LTBP4: variants seen among roughly 807,000 people sequenced by gnomAD.
LTBP4 encodes the protein latent transforming growth factor beta binding protein 4, also known as latent-transforming growth factor beta-binding protein 4.
Under a neutral mutation model 180.2 loss-of-function variants are expected in LTBP4, and 93 were observed. That is an observed-to-expected ratio of 0.52 (90% confidence interval 0.44 to 0.61). The LOEUF (loss-of-function observed/expected upper bound fraction) is 0.61. LTBP4 is among the 20% of genes least tolerant of loss of function. The pLI is 0.00. For missense variants in LTBP4, 2,116 were observed against 2,256.5 expected (o/e 0.94, Z 1.26); for synonymous variants, 947 against 934.5 (o/e 1.01, Z -0.24).
At position 40,629,569 on chromosome 19, in the gene LTBP4, C is replaced by A; in HGVS notation, c.*19C>A. 1 of 1,354,304 alleles carries A rather than the reference C, an allele frequency of 7.4e-7. No individual in the cohort carries two copies. The highest frequency in any genetic ancestry group is 1.5e-5 in the African/African-American group (1 of 64,534). The allele number at this position is 1,354,304 out of a possible 1,614,324, so 83.9% of individuals were successfully genotyped here. ...GGCCTGAGCCCTGGCACCCGCTGGCCGCCCACCCGCGCCCGCCACTCGGGG... is the reference window on the plus strand; with the variant it reads ...GGCCTGAGCCCTGGCACCCGCTGGCAGCCCACCCGCGCCCGCCACTCGGGG... On this transcript the variant is annotated 3_prime_UTR_variant, in exon 30 of 30. Coordinates refer to ENST00000396819, the MANE Select transcript of LTBP4 (RefSeq NM_001042545.2). This position sits in a 1 kb window ranked among gnomAD's most constrained non-coding sequence, Gnocchi z 4.5.
Position 40,624,099 on chromosome 19 carries a change from C to T in LTBP4, c.3832+17C>T, listed in dbSNP as rs2081607401. The T allele has an allele frequency of 1.3e-6, 2 of 1,517,850 alleles. No homozygotes were observed. Among genetic ancestry groups the T allele is most frequent in the Non-Finnish European group, 1.8e-6 (2 of 1,130,462 alleles). 94.0% of individuals were successfully genotyped at this position (1,517,850 alleles called of 1,614,324 possible). A position where few individuals can be genotyped will look rare whatever the true frequency, so the allele number is the denominator to read the frequency against. On this transcript the variant is annotated intron_variant, in intron 26 of 29. Coordinates refer to ENST00000396819, the MANE Select transcript of LTBP4 (RefSeq NM_001042545.2). ...AGAGCCTCGGTAACCCCGCCCACGCCATCCAGGCCCTCCTTCCCTTGGCTC... is the reference window on the plus strand; with the variant it reads ...AGAGCCTCGGTAACCCCGCCCACGCTATCCAGGCCCTCCTTCCCTTGGCTC...
rs1391050955 is a variant in LTBP4 at position 40,608,511 on chromosome 19, C to T, written c.1334C>T (p.Pro445Leu). ...AGFLPTHRLE[P>L]RPEPRPDPRP... ...TTTCTGCCCACCCATCGCCTGGAGC[C>T]CCGGCCTGAACCCCGGCCCGATCCC... Residue 445 changes from proline (P) to leucine (L), a missense_variant, in exon 9 of 30, where the codon CCC (proline) becomes CTC (leucine). Around this residue, in one of 5 missense-constraint regions of LTBP4, gnomAD observed 877 missense variants for 873.6 expected, o/e 1.00. Transcript: ENST00000396819. 1.2e-6 allele frequency: 2 copies of T among 1,606,222 alleles called. No individual in the cohort carries two copies. The highest frequency in any genetic ancestry group is 1.7e-6 in the Non-Finnish European group (2 of 1,176,670).
Position 40,613,278 on chromosome 19 carries a change from G to A in LTBP4, c.2431+82G>A. ...AAAGCCGGCTGGAAAGGTGGAGGCGGGACCAAGGCGCTGTGGGAGGAGCTT... is the reference window on the plus strand; with the variant it reads ...AAAGCCGGCTGGAAAGGTGGAGGCGAGACCAAGGCGCTGTGGGAGGAGCTT... On this transcript the variant is annotated intron_variant, in intron 16 of 29. Coordinates refer to ENST00000396819, the MANE Select transcript of LTBP4 (RefSeq NM_001042545.2). The surrounding 1 kb of genome is among the most constrained non-coding windows in gnomAD (Gnocchi z 5.0). The A allele has an allele frequency of 6.5e-7, 1 of 1,542,602 alleles. No individual in the cohort carries two copies. Among genetic ancestry groups the A allele is most frequent in the East Asian group, 2.5e-5 (1 of 40,814 alleles).
Position 40,617,010 on chromosome 19 carries a change from C to T in LTBP4, c.2934C>T (p.Gly978=), listed in dbSNP as rs768587659. Reference sequence around the variant, plus strand: ...CTGGCTATCAGCCCACGCCAGGGGGCGGATGCCAGGGTGGGTGTCCATCAG... The same window carrying T: ...CTGGCTATCAGCCCACGCCAGGGGGTGGATGCCAGGGTGGGTGTCCATCAG... ...CDPGYQPTPG[G]GCQDVDECRN... is the part of the protein sequence containing the mutation. The change falls in exon 20 of 30, where the codon GGC becomes GGT. Residue 978 remains glycine, a synonymous_variant. Transcript: ENST00000396819. 2.3e-5 allele frequency: 37 copies of T among 1,612,852 alleles called. No individual in the cohort carries two copies. The highest frequency in any genetic ancestry group is 4.4e-5 in the South Asian group (4 of 91,066).
At chr19:40,604,684 A>G (rs896860427) in intron 1 of LTBP4, among the ~76,000 whole-genome samples, 2 of 152,144 alleles carry the variant, frequency 1.3e-5, no homozygotes, top group Admixed American at 1.3e-4. Flanking sequence ...CCTCTACCAA[A>G]TTTTTAAAAA....
At chr19:40,612,978 C>A in intron 15 of LTBP4, 87 bp from the exon 16 acceptor site, 2 of 1,398,600 alleles carry the variant, frequency 1.4e-6, no homozygotes, top group Non-Finnish European at 2.0e-6. Context: ...AGACTTCCCA[C>A]CACCTCCCCC....
At chr19:40,597,393 C>T, upstream of LTBP4, 1 of 1,504,974 alleles carries the variant, frequency 6.6e-7, no homozygotes, top group Non-Finnish European at 8.8e-7. Context: ...AAGCCCCCTG[C>T]TTCCTTGTGC....
intron 22 of LTBP4, among the ~76,000 whole-genome samples, chr19:40,620,332 G>A (rs1012782364): frequency 2.6e-4 from 39 of 151,382 alleles, no homozygotes; most frequent in African/African-American, 9.5e-4. Context: ...TCCACCTCCT[G>A]TGCTCAAGGA....
chr19:40,604,928 C>T, intron 1 of LTBP4, 107 bp from the exon 2 acceptor site: 1 of 1,027,844 alleles, frequency 9.7e-7, no homozygotes, highest in Non-Finnish European at 1.4e-6. Context: ...CACATGACAG[C>T]TAAGGGCGGA....
Position 40,611,042 on chromosome 19 carries a change from G to A in LTBP4, c.1811-110G>A. 1 of 1,427,488 alleles carries A rather than the reference G, an allele frequency of 7.0e-7. No individual in the cohort carries two copies. Among genetic ancestry groups the A allele is most frequent in the Non-Finnish European group, 9.7e-7 (1 of 1,034,458 alleles). The allele number at this position is 1,427,488 out of a possible 1,614,324, so 88.4% of individuals were successfully genotyped here. ...AGAGTCAGATGATGGTGACAAGGAG[G>A]AATAGAGATGGGGTCACGGGGACAG... On this transcript the variant is annotated intron_variant, in intron 12 of 29. Transcript: ENST00000396819. This position sits in a 1 kb window ranked among gnomAD's most constrained non-coding sequence, Gnocchi z 4.4.
chr19:40,612,965 A>C (rs990840960), intron 15 of LTBP4, 100 bp from the exon 16 acceptor site: 91 of 1,263,656 alleles, frequency 7.2e-5, no homozygotes, highest in Non-Finnish European at 9.3e-5. Context: ...CCTCCAACTC[A>C]TGAGACTTCC....
chr19:40,619,468 C>A lies in LTBP4; in HGVS notation c.3192C>A (p.Arg1064=). 6.2e-7 allele frequency: 1 copy of A among 1,612,460 alleles called. No individual in the cohort carries two copies. The highest frequency in any genetic ancestry group is 1.1e-5 in the South Asian group (1 of 90,858). The change falls in exon 22 of 30, where the codon CGC becomes CGA. Residue 1064 remains arginine (R), a synonymous_variant. Coordinates refer to ENST00000396819, the MANE Select transcript of LTBP4 (RefSeq NM_001042545.2). ...AAGAGTTTGACCCCATGACTGGACGCTGTGTTCCCCCACGAACTTCTGCTG... is the reference window on the plus strand; with the variant it reads ...AAGAGTTTGACCCCATGACTGGACGATGTGTTCCCCCACGAACTTCTGCTG... ...SPEEFDPMTG[R]CVPPRTSAGT...
Position 40,624,069 on chromosome 19 carries a change from G to C in LTBP4, c.3819G>C (p.Glu1273Asp). 6.4e-7 allele frequency: 1 copy of C among 1,569,114 alleles called. No individual in the cohort carries two copies. ...CGCAGCGCCGCTGCGTCTCCAACGA[G>C]AGCCAGAGCCTCGGTAACCCCGCCC... The part of the protein sequence containing the change: ...DGSQRRCVSN[E>D]SQSLDDNLGV... The change falls in exon 26 of 30, where the codon GAG (glutamate) becomes GAC (aspartate). Residue 1273 changes from glutamate to aspartate, a missense_variant. Transcript: ENST00000396819.
rs752245994 is a variant in LTBP4, at chr19:40,623,953, G to T, written c.3703G>T (p.Asp1235Tyr). Residue 1235 changes from aspartate (D) to tyrosine (Y), a missense_variant, in exon 26 of 30, where the codon GAT (aspartate) becomes TAT (tyrosine). By Grantham distance (160) the Asp-to-Tyr change is radical (BLOSUM62 -3). Around this residue, in one of 5 missense-constraint regions of LTBP4, gnomAD observed 278 missense variants for 373.0 expected, o/e 0.75. Coordinates refer to ENST00000396819, the MANE Select transcript of LTBP4 (RefSeq NM_001042545.2). Reference protein sequence around the residue: ...LECIDNDECADEEPACEGGRC... With the variant: ...LECIDNDECAYEEPACEGGRC... The stretch of plus-strand genomic sequence containing the variant: ...CTCCCTAGACAATGACGAGTGCGCC[G>T]ATGAGGAACCGGCCTGTGAGGGCGG... The T allele has an allele frequency of 2.0e-5, 33 of 1,613,826 alleles. No individual in the cohort carries two copies. The highest frequency in any genetic ancestry group is 2.4e-5 in the Non-Finnish European group (28 of 1,179,868).
At chr19:40,610,471 C>A in intron 11 of LTBP4, 61 bp from the exon 12 acceptor site, 2 of 1,538,420 alleles carry the variant, frequency 1.3e-6, no homozygotes, top group South Asian at 1.2e-5. Context: ...CCCCTGCCTC[C>A]TTGCGTCGCT....
At chr19:40,612,249 C>T in intron 15 of LTBP4, 57 bp downstream of exon 15, 1 of 1,524,008 alleles carries the variant, frequency 6.6e-7, no homozygotes, top group South Asian at 1.2e-5. Context: ...CGACCCTTGA[C>T]CCAGATCACA....
Position 40,617,153 on chromosome 19 carries a change from A to G in LTBP4, c.2998A>G (p.Asn1000Asp). Residue 1000 changes from asparagine (N) to aspartate (D), a missense_variant, in exon 21 of 30, where the codon AAC (asparagine) becomes GAC (aspartate). By Grantham distance (23) the Asn-to-Asp change is conservative. Transcript: ENST00000396819. Reference protein sequence around the residue: ...SFCGAHAVCQNLPGSFQCLCD... With the variant: ...SFCGAHAVCQDLPGSFQCLCD... ...CTGCGGTGCCCACGCCGTGTGCCAG[A>G]ACCTGCCCGGCTCCTTCCAGTGCCT... 2 of 1,613,904 alleles carry G rather than the reference A, an allele frequency of 1.2e-6. No individual in the cohort carries two copies. Among genetic ancestry groups the G allele is most frequent in the Non-Finnish European group, 1.7e-6 (2 of 1,179,868 alleles).
rs2081620481 is a variant in LTBP4, at chr19:40,625,283, TATATATATATATATATATATATATATA to T, written c.3833-573_3833-547del. Among the ~76,000 whole-genome samples, 7 of 8,698 alleles carry T rather than the reference TATATATATATATATATATATATATATA, an allele frequency of 8.0e-4. 1 individual carries two copies. The highest frequency in any genetic ancestry group is 2.7e-3 in the African/African-American group (2 of 754). The allele number at this position is 8,698 out of a possible 152,430, so 5.7% of individuals were successfully genotyped here. On this transcript the variant is annotated intron_variant, in intron 26 of 29. Coordinates refer to ENST00000396819, the MANE Select transcript of LTBP4 (RefSeq NM_001042545.2). Reference sequence around the variant, plus strand: ...ATATATATATATATATATATATATATATATATATATATATATATATATATATATATATATTTTTTTTTTTAAAGATGG... The same window carrying T: ...ATATATATATATATATATATATATATTATATATTTTTTTTTTTAAAGATGG...
chr19:40,629,751 G>A lies in LTBP4; in HGVS notation c.*201G>A, dbSNP rs1270271543. On this transcript the variant is annotated 3_prime_UTR_variant, in exon 30 of 30. Transcript: ENST00000396819. The surrounding 1 kb of genome is among the most constrained non-coding windows in gnomAD (Gnocchi z 4.5). ...CACTGATGTCGTGGTCCCGGGCCTG[G>A]CCCAGGGGCCCCTTTACATGCCCTC... The A allele has an allele frequency of 1.4e-5, 6 of 429,104 alleles. No individual in the cohort carries two copies. The highest frequency in any genetic ancestry group is 1.9e-5 in the Non-Finnish European group (5 of 264,406). 26.6% of individuals were successfully genotyped at this position (429,104 alleles called of 1,614,324 possible). A position where few individuals can be genotyped will look rare whatever the true frequency, so the allele number is the denominator to read the frequency against.
Sources: gnomAD v4.1 joint callset for allele counts (sites outside exome capture counted in the v4.1 genomes callset) on GRCh38, gnomAD v4.1.1 for gene constraint, gnomAD v4.1.1 regional missense constraint, Gnocchi (gnomAD v3.1) non-coding constraint, MANE v1.5 for transcripts, NCBI Gene and HGNC (gene_info 2026-07-23, HGNC 2026-07-21) for gene names.